Variants in ADARB2 observed in about 807,000 individuals in gnomAD.
The protein encoded by ADARB2 is adenosine deaminase RNA specific B2 (inactive), also known as inactive double-stranded RNA-specific editase B2.
ADARB2 carries 25 observed loss-of-function variants against 62.2 expected under a neutral mutation model. The observed-to-expected ratio is 0.40, with a 90% CI of 0.29 to 0.56. The LOEUF (loss-of-function observed/expected upper bound fraction) is 0.56. Among genes scored for constraint, ADARB2 ranks in the 20% least tolerant of loss-of-function variants. The pLI is 0.43. For synonymous variants in ADARB2, 572 were observed against 500.8 expected (o/e 1.14, Z -1.90); for missense variants, 1,071 against 1,077.4 (o/e 0.99, Z 0.08).
At chr10:1,498,943 A>G (rs1588278509) in intron 1 of ADARB2, among the ~76,000 whole-genome samples, 1 of 152,016 alleles carries the variant, frequency 6.6e-6, no homozygotes, top group South Asian at 2.1e-4. Context: ...TCGCTCACTC[A>G]TTACTCATTT....
intron 1 of ADARB2, among the ~76,000 whole-genome samples, chr10:1,693,539 T>C (rs1256041339): frequency 6.6e-6 from 1 of 152,246 alleles, no homozygotes; most frequent in Non-Finnish European, 1.5e-5. Context: ...TTAGAATTAC[T>C]TCTTTTCAAA....
rs753624385 is a variant in ADARB2, at chr10:1,242,210, C to A, written c.1282G>T (p.Val428Leu). 3 of 1,609,116 alleles carry A rather than the reference C, an allele frequency of 1.9e-6. No homozygotes were observed. Among genetic ancestry groups the A allele is most frequent in the Non-Finnish European group, 2.5e-6 (3 of 1,178,792 alleles). ...ACGACCTCCGCGTGGCAGTCATTCA[C>A]CACCAGCCCCTGGTCACTGAGGTGC... is the stretch of plus-strand genomic sequence containing the variant. ...GEHLSDQGLVVNDCHAEVVAR... is the reference protein window; with the variant it reads ...GEHLSDQGLVLNDCHAEVVAR... Residue 428 changes from valine (V) to leucine (L), a missense_variant, in exon 5 of 10, where the codon GTG becomes TTG. Transcript: ENST00000381312.
intron 1 of ADARB2, among the ~76,000 whole-genome samples, chr10:1,521,947 G>GGCT (rs1439475271): frequency 1.3e-5 from 2 of 152,110 alleles, no homozygotes; most frequent in Non-Finnish European, 2.9e-5. Flanking sequence ...ATCTCCTGAG[G>GGCT]GCTGTGTCGT....
At chr10:1,443,729 A>G (rs1186453009) in intron 1 of ADARB2, among the ~76,000 whole-genome samples, 1 of 152,224 alleles carries the variant, frequency 6.6e-6, no homozygotes, top group Admixed American at 6.5e-5. Flanking sequence ...GTTCAAGAGT[A>G]AAAATCGATT....
chr10:1,580,842 TTCA>T (rs1186474192), intron 1 of ADARB2, among the ~76,000 whole-genome samples: 4 of 152,250 alleles, frequency 2.6e-5, no homozygotes, highest in Admixed American at 1.3e-4. Flanking sequence ...TTATAACCAT[TTCA>T]GACTGCCTCA....
intron 1 of ADARB2, among the ~76,000 whole-genome samples, chr10:1,718,171 G>C (rs1372360001): frequency 6.6e-6 from 1 of 152,176 alleles, no homozygotes; most frequent in Non-Finnish European, 1.5e-5. Flanking sequence ...ACACATCATA[G>C]GAAGGTGATG....
At chr10:1,461,293 T>C (rs1466230390) in intron 1 of ADARB2, among the ~76,000 whole-genome samples, 1 of 152,208 alleles carries the variant, frequency 6.6e-6, no homozygotes, top group African/African-American at 2.4e-5. Flanking sequence ...TTAGGAGAAC[T>C]TGTCCTATTG....
chr10:1,449,720 G>A (rs550158437), intron 1 of ADARB2, among the ~76,000 whole-genome samples: 1 of 152,140 alleles, frequency 6.6e-6, no homozygotes, highest in South Asian at 2.1e-4. Flanking sequence ...TCATCCTCAG[G>A]GCTTTGTGCA....
intron 1 of ADARB2, among the ~76,000 whole-genome samples, chr10:1,536,743 G>C (rs780292175): frequency 6.6e-6 from 1 of 152,168 alleles, no homozygotes; most frequent in Admixed American, 6.5e-5. Context: ...ATGGTGCTGG[G>C]AAAACTGGCC....
intron 1 of ADARB2, among the ~76,000 whole-genome samples, chr10:1,588,473 T>C (rs970012847): frequency 5.3e-5 from 8 of 152,168 alleles, no homozygotes; most frequent in African/African-American, 1.9e-4. Context: ...AGATTCCCCC[T>C]TGGTAGACAG....
At position 1,255,165 on chromosome 10, in the gene ADARB2, A is replaced by G. The variant is rs146725927; in HGVS notation, c.1193-12866T>C. ...TCTGAGCTCCTCATGGGGCCAAAAC[A>G]TGAGGGAGTGCTTGGATCCAGGAAT... On this transcript the variant is annotated intron_variant, in intron 4 of 9. Transcript: ENST00000381312. The surrounding 1 kb of genome is among the most constrained non-coding windows in gnomAD (Gnocchi z 4.7). Among the ~76,000 whole-genome samples the G allele has an allele frequency of 1.3e-5, 2 of 152,322 alleles. No individual in the cohort carries two copies. Among genetic ancestry groups the G allele is most frequent in the African/African-American group, 4.8e-5 (2 of 41,574 alleles).
chr10:1,301,231 C>A lies in ADARB2; in HGVS notation c.1078-30162G>T, dbSNP rs548238593. On this transcript the variant is annotated intron_variant, in intron 3 of 9. Transcript: ENST00000381312. The stretch of plus-strand genomic sequence containing the variant: ...CTGTGCGTGCTAATTTTAAAGATAA[C>A]AAGATAAAATGTTTACTTAATTCCG... Among the ~76,000 whole-genome samples, 3 of 152,278 alleles carry A rather than the reference C, an allele frequency of 2.0e-5. No homozygotes were observed. The East Asian group carries it at 5.8e-4, about 29-fold the overall frequency.
intron 1 of ADARB2, among the ~76,000 whole-genome samples, chr10:1,416,518 T>C (rs994695141): frequency 5.9e-5 from 9 of 152,194 alleles, no homozygotes; most frequent in Non-Finnish European, 8.8e-5. Context: ...TCTCCCTCTG[T>C]TGATTCACAG....
At chr10:1,680,390 C>G (rs766345516) in intron 1 of ADARB2, among the ~76,000 whole-genome samples, 1 of 152,020 alleles carries the variant, frequency 6.6e-6, no homozygotes, top group African/African-American at 2.4e-5. Flanking sequence ...CATCAACACC[C>G]TTCTCCACCC....
At chr10:1,415,702 A>T (rs1317939171) in intron 1 of ADARB2, among the ~76,000 whole-genome samples, 1 of 152,264 alleles carries the variant, frequency 6.6e-6, no homozygotes, top group Non-Finnish European at 1.5e-5. Context: ...TATTAAAATT[A>T]AAAATAATTT....
intron 1 of ADARB2, among the ~76,000 whole-genome samples, chr10:1,552,071 G>A (rs565792245): frequency 2.6e-5 from 4 of 152,142 alleles, no homozygotes; most frequent in African/African-American, 9.7e-5. Flanking sequence ...CCTCGCAGCC[G>A]ATCACAGAAC....
At chr10:1,471,459 C>T (rs1211265828) in intron 1 of ADARB2, among the ~76,000 whole-genome samples, 8 of 152,036 alleles carry the variant, frequency 5.3e-5, no homozygotes, top group Middle Eastern at 3.2e-3. Flanking sequence ...GGCGAGGTCT[C>T]GGCTTACCGC....
chr10:1,731,489 C>T (rs974934584), intron 1 of ADARB2, among the ~76,000 whole-genome samples: 6 of 152,166 alleles, frequency 3.9e-5, no homozygotes, highest in Admixed American at 2.6e-4. Flanking sequence ...TTAGCTGTCC[C>T]TGTGAACCAA....
intron 1 of ADARB2, among the ~76,000 whole-genome samples, chr10:1,456,101 T>C (rs1831092234): frequency 6.6e-6 from 1 of 152,240 alleles, no homozygotes; most frequent in Non-Finnish European, 1.5e-5. Context: ...CATCATTTCA[T>C]GCATAATTAA....
Sources: allele counts gnomAD v4.1 joint callset (sites outside exome capture counted in the v4.1 genomes callset), GRCh38; gene constraint gnomAD v4.1.1; non-coding constraint Gnocchi (gnomAD v3.1); transcripts MANE v1.5; gene names NCBI Gene and HGNC (gene_info 2026-07-23, HGNC 2026-07-21).